The following NTAQ1 variants were observed in gnomAD, a reference collection of about 807,000 sequenced individuals.
The protein encoded by NTAQ1 is protein N-terminal glutamine amidohydrolase.
Under a neutral mutation model 28.2 loss-of-function variants are expected in NTAQ1, and 21 were observed. The observed-to-expected ratio is 0.74, with a 90% CI of 0.53 to 1.07. The LOEUF is 1.07. Among genes scored for constraint, NTAQ1 ranks in the 50% least tolerant of loss-of-function variants. The pLI, the probability that NTAQ1 is intolerant of heterozygous loss-of-function variation, is 0.00. For synonymous variants in NTAQ1, 105 were observed against 90.0 expected, an observed-to-expected ratio of 1.17 and a Z score of -0.94; for missense variants, 264 against 256.6, an observed-to-expected ratio of 1.03 and a Z score of -0.20.
In NTAQ1 at chr8:123,427,792, T is replaced by A. The variant is rs559483356; in HGVS notation, c.84-132T>A. The stretch of plus-strand genomic sequence containing the variant: ...GGATGTTTTAGAGGAGATTCAGACA[T>A]TAGCCAGTTGTTGGATGACATGGGG... On this transcript the variant is annotated intron_variant, in intron 1 of 5. Transcript: ENST00000287387. The A allele has an allele frequency of 8.1e-5, 56 of 687,964 alleles. No individual in the cohort carries two copies. In the East Asian group the frequency reaches 1.4e-3, roughly 17 times the overall value. The allele number at this position is 687,964 out of a possible 1,614,324, so 42.6% of individuals were successfully genotyped here.
intron 1 of NTAQ1, among the ~76,000 whole-genome samples, chr8:123,423,765 A>G (rs191464651): frequency 9.5e-4 from 144 of 152,302 alleles, no homozygotes; most frequent in African/African-American, 3.2e-3. Flanking sequence ...TCTGTGTAAC[A>G]TTTACATATA....
At chr8:123,442,602 A>T (rs541270510), downstream of NTAQ1, among the ~76,000 whole-genome samples, 26 of 150,878 alleles carry the variant, frequency 1.7e-4, no homozygotes, top group African/African-American at 6.3e-4. Flanking sequence ...CTCAGAAAAA[A>T]AAAAAAAAAG....
Position 123,436,573 on chromosome 8 carries a change from G to C in NTAQ1, c.355G>C (p.Asp119His). The change falls in exon 4 of 6, where the codon GAT becomes CAT. Residue 119 changes from aspartate to histidine, a missense_variant. Coordinates refer to ENST00000287387, the MANE Select transcript of NTAQ1 (RefSeq NM_018024.3). ...DTYVEDAFKS[D>H]DDIHPQFRRK... Reference sequence around the variant, plus strand: ...TTATGTAGAAGATGCCTTTAAGTCTGATGATGACATTCACCCACAGTTTAG... The same window carrying C: ...TTATGTAGAAGATGCCTTTAAGTCTCATGATGACATTCACCCACAGTTTAG... 1 of 1,613,836 alleles carries C rather than the reference G, an allele frequency of 6.2e-7. No individual in the cohort carries two copies. The highest frequency in any genetic ancestry group is 8.5e-7 in the Non-Finnish European group (1 of 1,179,886).
intron 1 of NTAQ1, among the ~76,000 whole-genome samples, 155 bp downstream of exon 1, chr8:123,417,087 C>G (rs1190525158): frequency 3.3e-5 from 5 of 152,244 alleles, no homozygotes; most frequent in African/African-American, 4.8e-5. Flanking sequence ...GGAATGGCAG[C>G]TCTCGTCTCT....
chr8:123,439,855 G>A (rs1814942461), intron 5 of NTAQ1, among the ~76,000 whole-genome samples: 1 of 151,840 alleles, frequency 6.6e-6, no homozygotes, highest in Admixed American at 6.6e-5. Context: ...TCAGGAGGCT[G>A]AGGCAGGAGA....
chr8:123,453,661 G>A (rs1815569232), intron 6 of NTAQ1, among the ~76,000 whole-genome samples: 1 of 152,074 alleles, frequency 6.6e-6, no homozygotes, highest in East Asian at 1.9e-4. Flanking sequence ...CCTGACCTCA[G>A]GTGATCTGCC....
chr8:123,427,401 C>T lies in NTAQ1; in HGVS notation c.84-523C>T, dbSNP rs559900277. Among the ~76,000 whole-genome samples, 14 of 151,900 alleles carry T rather than the reference C, an allele frequency of 9.2e-5. No homozygotes were observed. The South Asian group carries it at 1.5e-3, about 16-fold the overall frequency. On this transcript the variant is annotated intron_variant, in intron 1 of 5. Transcript: ENST00000287387. ...CCAAGTAGCCGGGATTACAGGCACC[C>T]GCCACCATGCCTGGCTAATTTTAGT... is the stretch of plus-strand genomic sequence containing the variant.
At chr8:123,419,591 CA>C (rs1035706853) in intron 1 of NTAQ1, among the ~76,000 whole-genome samples, 1 of 152,134 alleles carries the variant, frequency 6.6e-6, no homozygotes, top group Non-Finnish European at 1.5e-5. Context: ...GTTTTTCAAA[CA>C]ATTGTGGAGT....
intron 6 of NTAQ1, among the ~76,000 whole-genome samples, chr8:123,458,256 A>T (rs951956019): frequency 2.0e-5 from 3 of 151,094 alleles, no homozygotes; most frequent in Non-Finnish European, 4.4e-5. Flanking sequence ...TTTTTTTCAA[A>T]CAAACACAAC....
chr8:123,453,586 G>A (rs1815566983), intron 6 of NTAQ1, among the ~76,000 whole-genome samples: 1 of 152,002 alleles, frequency 6.6e-6, no homozygotes. Flanking sequence ...CTGCCACCAT[G>A]CCTGGCTAAT....
At chr8:123,449,508 G>C (rs1815406099), downstream of NTAQ1, among the ~76,000 whole-genome samples, 1 of 152,108 alleles carries the variant, frequency 6.6e-6, no homozygotes, top group Non-Finnish European at 1.5e-5. Context: ...TTGAGGCCAG[G>C]AGTTCAAGAC....
intron 1 of NTAQ1, among the ~76,000 whole-genome samples, chr8:123,424,488 C>T (rs1035129753): frequency 1.3e-4 from 19 of 151,956 alleles, no homozygotes; most frequent in African/African-American, 2.9e-4. Flanking sequence ...ATGATCCACC[C>T]GCTTCGGCCT....
chr8:123,443,382 G>A (rs1815151320), downstream of NTAQ1, among the ~76,000 whole-genome samples: 1 of 152,232 alleles, frequency 6.6e-6, no homozygotes, highest in Admixed American at 6.5e-5. Context: ...AGCTGCTCCT[G>A]TCTGCCTACA....
chr8:123,449,224 G>C (rs1358061629), downstream of NTAQ1, among the ~76,000 whole-genome samples: 1 of 152,188 alleles, frequency 6.6e-6, no homozygotes, highest in Non-Finnish European at 1.5e-5. Flanking sequence ...CCAGTGGCTG[G>C]CTCAGTAGTG....
At chr8:123,460,073 T>A (rs911081488) in intron 6 of NTAQ1, among the ~76,000 whole-genome samples, 4 of 152,164 alleles carry the variant, frequency 2.6e-5, no homozygotes, top group Non-Finnish European at 5.9e-5. Context: ...GGGCTGGGAT[T>A]ACAGGCATGA....
At chr8:123,465,947 A>T (rs1026482761) in intron 6 of NTAQ1, among the ~76,000 whole-genome samples, 13 of 151,942 alleles carry the variant, frequency 8.6e-5, no homozygotes, top group African/African-American at 3.1e-4. Flanking sequence ...TTTCTCTATA[A>T]CTTAGAGTTG....
downstream of NTAQ1, among the ~76,000 whole-genome samples, chr8:123,449,528 T>G (rs369179538): frequency 3.3e-5 from 5 of 152,120 alleles, no homozygotes; most frequent in Non-Finnish European, 7.4e-5. Flanking sequence ...CCTCTACTGT[T>G]GCTGTATCAC....
chr8:123,435,559 A>G (rs10505436), intron 3 of NTAQ1: 343,010 of 982,036 alleles, frequency 0.35, 60,330 homozygotes, highest in East Asian at 0.56. Context: ...CTTTATATAC[A>G]GATAGCTTTT....
chr8:123,436,069 TGAGGCAA>T (rs1284571731), intron 3 of NTAQ1, among the ~76,000 whole-genome samples: 1 of 148,110 alleles, frequency 6.8e-6, no homozygotes, highest in Admixed American at 6.9e-5. Flanking sequence ...CTCGGGAGGC[TGAGGCAA>T]GAGAATTGCT....
Sources: allele counts gnomAD v4.1 joint callset (sites outside exome capture counted in the v4.1 genomes callset), GRCh38; gene constraint gnomAD v4.1.1; transcripts MANE v1.5; gene names NCBI Gene and HGNC (gene_info 2026-07-23, HGNC 2026-07-21).